The following TSPAN4 variants were observed in gnomAD, a reference collection of about 807,000 sequenced individuals.
TSPAN4 encodes the protein tetraspanin 4, also known as tetraspanin-4.
Under a neutral mutation model 31.5 loss-of-function variants are expected in TSPAN4, and 38 were observed. The ratio of observed to expected loss-of-function variants is 1.21; its 90% CI spans 0.93 to 1.58. TSPAN4 has a LOEUF of 1.58. Ranked by LOEUF, TSPAN4 falls within the 40% of genes most tolerant of loss-of-function variation. The pLI is 0.00. For synonymous variants in TSPAN4, 186 were observed against 144.6 expected, an observed-to-expected ratio of 1.29 and a Z score of -2.06; for missense variants, 330 against 317.3, an observed-to-expected ratio of 1.04 and a Z score of -0.30.
intron 4 of TSPAN4, chr11:863,131 A>G (rs1848568292): frequency 5.9e-6 from 1 of 168,492 alleles, no homozygotes; most frequent in African/African-American, 2.4e-5. Context: ...CCCCTTCCCC[A>G]GCTTCTTGTT....
chr11:854,877 C>T (rs1847961038), intron 3 of TSPAN4, among the ~76,000 whole-genome samples: 1 of 152,344 alleles, frequency 6.6e-6, no homozygotes, highest in Non-Finnish European at 1.5e-5. Context: ...GCCTTCAGCT[C>T]CCAGGCCTCT....
chr11:849,518 T>G (rs1847505267), intron 2 of TSPAN4, among the ~76,000 whole-genome samples: 1 of 152,048 alleles, frequency 6.6e-6, no homozygotes, highest in Non-Finnish European at 1.5e-5. Context: ...GGGGAAGGGC[T>G]GGGGGTGTCG....
At position 862,685 on chromosome 11, in the gene TSPAN4, A is replaced by G. The variant is rs1565145576; in HGVS notation, c.199A>G (p.Ile67Val). The G allele has an allele frequency of 6.2e-7, 1 of 1,613,102 alleles. No homozygotes were observed. The change falls in exon 4 of 9, where the codon ATC becomes GTC. Residue 67 changes from isoleucine (I) to valine (V), a missense_variant. Ile to Val is a conservative substitution (Grantham distance 29, BLOSUM62 3). Coordinates refer to ENST00000397397, the MANE Select transcript of TSPAN4 (RefSeq NM_003271.5). ...CATCACCGGCGCCTTTGTCATGGCC[A>G]TCGGCTTCGTGGGCTGCCTGGGTGC... is the stretch of plus-strand genomic sequence containing the variant. The part of the protein sequence containing the change: ...LIITGAFVMA[I>V]GFVGCLGAIK...
chr11:848,813 G>T lies in TSPAN4; in HGVS notation c.-17-1475G>T. ...CCTGTGGTGGGGCTGGGGCTTCAGA[G>T]GCGTGGGGTAGGCTGCAGGGCACAG... On this transcript the variant is annotated intron_variant, in intron 2 of 8. Coordinates refer to ENST00000397397, the MANE Select transcript of TSPAN4 (RefSeq NM_003271.5). The surrounding 1 kb of genome is among the most constrained non-coding windows in gnomAD (Gnocchi z 5.7). 1.6e-6 allele frequency: 1 copy of T among 625,396 alleles called. No homozygotes were observed. Among genetic ancestry groups the T allele is most frequent in the Non-Finnish European group, 2.9e-6 (1 of 340,060 alleles). 38.7% of individuals were successfully genotyped at this position (625,396 alleles called of 1,614,324 possible).
chr11:863,094 T>G, intron 4 of TSPAN4: 1 of 180,814 alleles, frequency 5.5e-6, no homozygotes, highest in Non-Finnish European at 1.1e-5. Context: ...CCGTGACTCA[T>G]TCCTGACCAC....
intron 4 of TSPAN4, 126 bp from the exon 5 acceptor site, chr11:864,311 G>A (rs925095718): frequency 1.7e-6 from 2 of 1,188,658 alleles, no homozygotes; most frequent in East Asian, 2.4e-5. Flanking sequence ...CTGGGAGTGG[G>A]GGCCTGGCAG....
In TSPAN4 at chr11:848,802, G is replaced by A; in HGVS notation, c.-17-1486G>A. ...GGCCCTTGTGCCCTGTGGTGGGGCT[G>A]GGGCTTCAGAGGCGTGGGGTAGGCT... On this transcript the variant is annotated intron_variant, in intron 2 of 8. Coordinates refer to ENST00000397397, the MANE Select transcript of TSPAN4 (RefSeq NM_003271.5). This position sits in a 1 kb window ranked among gnomAD's most constrained non-coding sequence, Gnocchi z 5.7. The A allele has an allele frequency of 1.6e-6, 1 of 606,878 alleles. No homozygotes were observed. The highest frequency in any genetic ancestry group is 3.0e-6 in the Non-Finnish European group (1 of 332,268). The allele number at this position is 606,878 out of a possible 1,614,324, so 37.6% of individuals were successfully genotyped here.
intron 5 of TSPAN4, 108 bp downstream of exon 5, chr11:864,619 C>G: frequency 1.4e-6 from 2 of 1,410,350 alleles, no homozygotes; most frequent in Non-Finnish European, 2.0e-6. Flanking sequence ...CATGTGCCCT[C>G]ACGGGCAGCC....
intron 3 of TSPAN4, among the ~76,000 whole-genome samples, chr11:862,075 G>A (rs1326134832): frequency 1.3e-5 from 2 of 152,248 alleles, no homozygotes; most frequent in African/African-American, 2.4e-5. Flanking sequence ...CTGCCAGGAA[G>A]CCCCATCCCG....
chr11:864,778 A>G (rs181616967), intron 5 of TSPAN4: 85 of 555,790 alleles, frequency 1.5e-4, no homozygotes, highest in African/African-American at 1.5e-3. Flanking sequence ...CCTCTGACGC[A>G]GCGTCCTGAG....
intron 3 of TSPAN4, among the ~76,000 whole-genome samples, chr11:861,524 A>G (rs1848455300): frequency 1.3e-5 from 2 of 152,100 alleles, no homozygotes; most frequent in Non-Finnish European, 2.9e-5. Context: ...CATCCTGGCT[A>G]ACACGGTGAA....
rs1018399535 is a variant in TSPAN4, at chr11:865,551, G to C, written c.369G>C (p.Leu123Phe). The change falls in exon 6 of 9, where the codon TTG becomes TTC. Residue 123 changes from leucine (L) to phenylalanine (F), a missense_variant. Coordinates refer to ENST00000397397, the MANE Select transcript of TSPAN4 (RefSeq NM_003271.5). ...RYAQQDLKKG[L>F]HLYGTQGNVG... ...CCCAGCAAGACCTGAAGAAAGGCTT[G>C]CACCTGTACGGCACGCAGGGCAACG... 6.2e-7 allele frequency: 1 copy of C among 1,612,464 alleles called. No individual in the cohort carries two copies.
In TSPAN4 at chr11:865,997, T is replaced by C. The variant is rs898761200; in HGVS notation, c.644T>C (p.Val215Ala). ...ATCTTTGGGCTGTGCACGGCGCTGG[T>C]GCAGGTATGGCCTGGGGGCCTGCGG... ...VGIFGLCTAL[V>A]QILGLTFAMT... Residue 215 changes from valine to alanine, a missense_variant, in exon 8 of 9, where the codon GTG becomes GCG. Physicochemically the swap from Val to Ala is moderately conservative, Grantham distance 64. Transcript: ENST00000397397. 1.8e-5 allele frequency: 29 copies of C among 1,611,870 alleles called. No individual in the cohort carries two copies. The highest frequency in any genetic ancestry group is 2.5e-6 in the Non-Finnish European group (3 of 1,179,958).
intron 2 of TSPAN4, 46 bp from the exon 3 acceptor site, chr11:850,241 CA>C: frequency 1.3e-6 from 2 of 1,486,408 alleles, no homozygotes; most frequent in Non-Finnish European, 1.8e-6. Flanking sequence ...CCAAGGGCAA[CA>C]AGTACGTGGT....
chr11:864,172 G>A (rs1049172937), intron 4 of TSPAN4: 3 of 558,490 alleles, frequency 5.4e-6, no homozygotes, highest in Non-Finnish European at 9.6e-6. Context: ...TTGCCCCAGG[G>A]ATGGGGGCAG....
At chr11:851,382 AG>A (rs1403731359) in intron 3 of TSPAN4, among the ~76,000 whole-genome samples, 1 of 152,158 alleles carries the variant, frequency 6.6e-6, no homozygotes, top group East Asian at 1.9e-4. Flanking sequence ...GCTCCTGCCT[AG>A]GCTCTGGGCT....
At chr11:865,879 C>A in intron 7 of TSPAN4, 39 bp from the exon 8 acceptor site, 1 of 1,612,566 alleles carries the variant, frequency 6.2e-7, no homozygotes, top group South Asian at 1.1e-5. Flanking sequence ...GCGGGACCAG[C>A]AGGCCCTGCC....
chr11:865,968 G>A lies in TSPAN4; in HGVS notation c.615G>A (p.Val205=), dbSNP rs1463151275. 1 of 1,612,334 alleles carries A rather than the reference G, an allele frequency of 6.2e-7. No individual in the cohort carries two copies. The highest frequency in any genetic ancestry group is 8.5e-7 in the Non-Finnish European group (1 of 1,179,996). The change falls in exon 8 of 9, where the codon GTG becomes GTA. Residue 205 remains valine, a synonymous_variant. Transcript: ENST00000397397. ...KVWLQENLLA[V]GIFGLCTALV... is the part of the protein sequence containing the mutation. ...GGCTTCAGGAGAACCTGCTGGCTGTGGGCATCTTTGGGCTGTGCACGGCGC... is the reference window on the plus strand; with the variant it reads ...GGCTTCAGGAGAACCTGCTGGCTGTAGGCATCTTTGGGCTGTGCACGGCGC...
intron 2 of TSPAN4, among the ~76,000 whole-genome samples, chr11:847,927 C>T (rs1238099721): frequency 2.0e-5 from 3 of 152,198 alleles, no homozygotes; most frequent in Non-Finnish European, 4.4e-5. Flanking sequence ...AGCCTGGCGG[C>T]GGATGCTCTC....
Sources: gnomAD v4.1 joint callset for allele counts (sites outside exome capture counted in the v4.1 genomes callset) on GRCh38, gnomAD v4.1.1 for gene constraint, Gnocchi (gnomAD v3.1) non-coding constraint, MANE v1.5 for transcripts, NCBI Gene and HGNC (gene_info 2026-07-23, HGNC 2026-07-21) for gene names.